TTL: variants seen among roughly 807,000 people sequenced by gnomAD.
The protein encoded by TTL is tubulin--tyrosine ligase.
A neutral mutation model predicts 41.1 loss-of-function variants in TTL; 10 were observed. The observed-to-expected ratio is 0.24, with a 90% CI of 0.15 to 0.41. TTL has a LOEUF of 0.41. Among genes scored for constraint, TTL ranks in the 10% least tolerant of loss-of-function variants. The pLI, the probability that TTL is intolerant of heterozygous loss-of-function variation, is 1.00. For synonymous variants in TTL, 175 were observed against 175.5 expected (o/e 1.00, Z 0.02); for missense variants, 367 against 460.4 (o/e 0.80, Z 1.86).
intron 1 of TTL, among the ~76,000 whole-genome samples, chr2:112,485,584 C>T (rs1681218990): frequency 6.6e-6 from 1 of 152,104 alleles, no homozygotes; most frequent in Non-Finnish European, 1.5e-5. Context: ...TGTGTTAAGC[C>T]AGGAGCGGAA....
Position 112,482,583 on chromosome 2 carries a change from GT to G in TTL, c.157+87del, listed in dbSNP as rs1681121766. 3.5e-6 allele frequency: 5 copies of G among 1,418,686 alleles called. No homozygotes were observed. Among genetic ancestry groups the G allele is most frequent in the Non-Finnish European group, 3.7e-6 (4 of 1,069,368 alleles). The allele number at this position is 1,418,686 out of a possible 1,614,324, so 87.9% of individuals were successfully genotyped here. A position where few individuals can be genotyped will look rare whatever the true frequency, so the allele number is the denominator to read the frequency against. On this transcript the variant is annotated intron_variant, in intron 1 of 6. Transcript: ENST00000233336. The surrounding 1 kb of genome is among the most constrained non-coding windows in gnomAD (Gnocchi z 5.3). ...GCGGCCCGTTAGAACCGGCGCTTTT[GT>G]TTTTAAAGGTCATACATTTTCTCCT...
chr2:112,503,120 A>T lies in TTL; in HGVS notation c.814A>T (p.Thr272Ser). Residue 272 changes from threonine (T) to serine (S), a missense_variant, in exon 5 of 7, where the codon ACA (threonine) becomes TCA (serine). Coordinates refer to ENST00000233336, the MANE Select transcript of TTL (RefSeq NM_153712.5). Reference protein sequence around the residue: ...MFFKEFNQYLTSALNITLESS... With the variant: ...MFFKEFNQYLSSALNITLESS... ...CTTCAAGGAGTTCAATCAGTACCTAACAAGTGCTTTGAACATTACCCTAGA... is the reference window on the plus strand; with the variant it reads ...CTTCAAGGAGTTCAATCAGTACCTATCAAGTGCTTTGAACATTACCCTAGA... 6.2e-7 allele frequency: 1 copy of T among 1,613,212 alleles called. No individual in the cohort carries two copies. The highest frequency in any genetic ancestry group is 8.5e-7 in the Non-Finnish European group (1 of 1,179,908).
At position 112,531,737 on chromosome 2, in the gene TTL, G is replaced by A. The variant is rs182536186; in HGVS notation, c.*2942G>A. 4.0e-5 allele frequency: 9 copies of A among 222,754 alleles called. No homozygotes were observed. The highest frequency in any genetic ancestry group is 1.1e-4 in the African/African-American group (5 of 44,882). 13.8% of individuals were successfully genotyped at this position (222,754 alleles called of 1,614,324 possible). A position where few individuals can be genotyped will look rare whatever the true frequency, so the allele number is the denominator to read the frequency against. Reference sequence around the variant, plus strand: ...CACAAGCATTTCTTTAAGGATGACCGGATGTTGCCGTATGTATTTATGGCA... The same window carrying A: ...CACAAGCATTTCTTTAAGGATGACCAGATGTTGCCGTATGTATTTATGGCA... On this transcript the variant is annotated 3_prime_UTR_variant, in exon 7 of 7. Coordinates refer to ENST00000233336, the MANE Select transcript of TTL (RefSeq NM_153712.5).
intron 3 of TTL, among the ~76,000 whole-genome samples, chr2:112,499,599 A>G (rs1054224755): frequency 1.3e-5 from 2 of 152,222 alleles, no homozygotes; most frequent in Non-Finnish European, 2.9e-5. Flanking sequence ...CAAAAGTGTA[A>G]TCCATAAAAG....
At chr2:112,511,691 A>T (rs996849037) in intron 5 of TTL, among the ~76,000 whole-genome samples, 2 of 150,978 alleles carry the variant, frequency 1.3e-5, no homozygotes, top group African/African-American at 4.9e-5. Flanking sequence ...CAGCCTCCTG[A>T]GCAGCTGGGA....
Position 112,532,990 on chromosome 2 carries a change from C to T in TTL, c.*4195C>T, listed in dbSNP as rs1682541399. 1 of 152,188 alleles carries T rather than the reference C, an allele frequency of 6.6e-6. No homozygotes were observed. The highest frequency in any genetic ancestry group is 2.4e-5 in the African/African-American group (1 of 41,446). 9.4% of individuals were successfully genotyped at this position (152,188 alleles called of 1,614,324 possible). Reference sequence around the variant, plus strand: ...TCACCAAGGCCAGGTTTTTAAATACCTATAAACCTCACACACCTGAGATGC... The same window carrying T: ...TCACCAAGGCCAGGTTTTTAAATACTTATAAACCTCACACACCTGAGATGC... On this transcript the variant is annotated 3_prime_UTR_variant, in exon 7 of 7. Transcript: ENST00000233336.
chr2:112,508,764 C>T (rs1488076970), intron 5 of TTL, among the ~76,000 whole-genome samples: 1 of 4,680 alleles, frequency 2.1e-4, no homozygotes, highest in Admixed American at 1.8e-3. Flanking sequence ...GTTTGAATGT[C>T]CTCCCGTAGC....
At position 112,534,643 on chromosome 2, in the gene TTL, A is replaced by G. The variant is rs535479817; in HGVS notation, c.*5848A>G. On this transcript the variant is annotated 3_prime_UTR_variant, in exon 7 of 7. Coordinates refer to ENST00000233336, the MANE Select transcript of TTL (RefSeq NM_153712.5). ...TGTGAACAACCTTTTCCCTGGGTGC[A>G]TTTGTCAAAAAAAATCAACAGCAAT... 3 of 152,298 alleles carry G rather than the reference A, an allele frequency of 2.0e-5. No individual in the cohort carries two copies. The highest frequency in any genetic ancestry group is 2.9e-5 in the Non-Finnish European group (2 of 68,018). The allele number at this position is 152,298 out of a possible 1,614,324, so 9.4% of individuals were successfully genotyped here.
At chr2:112,518,699 G>A (rs929744873) in intron 5 of TTL, among the ~76,000 whole-genome samples, 1 of 142,718 alleles carries the variant, frequency 7.0e-6, no homozygotes, top group African/African-American at 2.6e-5. Context: ...TTTTGAGACA[G>A]AATTTTGCTC....
intron 3 of TTL, among the ~76,000 whole-genome samples, chr2:112,495,220 G>A (rs2104453024): frequency 6.6e-6 from 1 of 152,222 alleles, no homozygotes; most frequent in South Asian, 2.1e-4. Context: ...TGGCTCCTCA[G>A]GGAAGGCTTT....
rs1358659349 is a variant in TTL, at chr2:112,530,974, A to G, written c.*2179A>G. ...TAAATAAATTTTAAATAAATTTTAAATAAAATTTTACAGAGACGTGGTCTC... is the reference window on the plus strand; with the variant it reads ...TAAATAAATTTTAAATAAATTTTAAGTAAAATTTTACAGAGACGTGGTCTC... On this transcript the variant is annotated 3_prime_UTR_variant, in exon 7 of 7. Transcript: ENST00000233336. 3 of 180,412 alleles carry G rather than the reference A, an allele frequency of 1.7e-5. No homozygotes were observed. Among genetic ancestry groups the G allele is most frequent in the South Asian group, 3.9e-4 (2 of 5,092 alleles). 11.2% of individuals were successfully genotyped at this position (180,412 alleles called of 1,614,324 possible).
chr2:112,499,988 A>G (rs535095462), intron 3 of TTL, among the ~76,000 whole-genome samples: 29 of 152,380 alleles, frequency 1.9e-4, no homozygotes, highest in Non-Finnish European at 3.7e-4. Context: ...GCAAACGTCC[A>G]TCAATTGATG....
rs1682491005 is a variant in TTL, at chr2:112,530,913, A to T, written c.*2118A>T. Reference sequence around the variant, plus strand: ...TTTCCTTTTTAAAAAATATTTTTTAAATTTTTAAAATTTGATTTTAAATTT... The same window carrying T: ...TTTCCTTTTTAAAAAATATTTTTTATATTTTTAAAATTTGATTTTAAATTT... On this transcript the variant is annotated 3_prime_UTR_variant, in exon 7 of 7. Coordinates refer to ENST00000233336, the MANE Select transcript of TTL (RefSeq NM_153712.5). The T allele has an allele frequency of 5.6e-6, 1 of 177,636 alleles. No homozygotes were observed. The highest frequency in any genetic ancestry group is 1.2e-5 in the Non-Finnish European group (1 of 83,024). The allele number at this position is 177,636 out of a possible 1,614,324, so 11.0% of individuals were successfully genotyped here. A position where few individuals can be genotyped will look rare whatever the true frequency, so the allele number is the denominator to read the frequency against.
At chr2:112,496,002 G>A (rs900157556) in intron 3 of TTL, among the ~76,000 whole-genome samples, 1 of 152,250 alleles carries the variant, frequency 6.6e-6, no homozygotes, top group East Asian at 1.9e-4. Flanking sequence ...CTGAAAGGGG[G>A]AGAGTTGGAC....
chr2:112,530,701 T>A lies in TTL; in HGVS notation c.*1906T>A, dbSNP rs1365404418. ...TTTTGGACCCAAATTATAGAGACAT[T>A]CACGAGTTTTCTAGCCCTCACAGTA... On this transcript the variant is annotated 3_prime_UTR_variant, in exon 7 of 7. Transcript: ENST00000233336. 9.5e-6 allele frequency: 2 copies of A among 211,258 alleles called. No individual in the cohort carries two copies. Among genetic ancestry groups the A allele is most frequent in the African/African-American group, 4.5e-5 (2 of 44,134 alleles). 13.1% of individuals were successfully genotyped at this position (211,258 alleles called of 1,614,324 possible).
chr2:112,535,340 T>C lies in TTL; in HGVS notation c.*6545T>C, dbSNP rs1482471958. The C allele has an allele frequency of 6.6e-6, 1 of 151,444 alleles. No homozygotes were observed. Among genetic ancestry groups the C allele is most frequent in the Non-Finnish European group, 1.5e-5 (1 of 67,924 alleles). The allele number at this position is 151,444 out of a possible 1,614,324, so 9.4% of individuals were successfully genotyped here. On this transcript the variant is annotated 3_prime_UTR_variant, in exon 7 of 7. Transcript: ENST00000233336. ...ATCAAACATACCAACATACACATAA[T>C]AGGAGTCCTAGAATAGATAAGTGAG...
intron 6 of TTL, among the ~76,000 whole-genome samples, chr2:112,526,652 AT>A (rs1250248400): frequency 6.6e-6 from 1 of 151,942 alleles, no homozygotes; most frequent in Non-Finnish European, 1.5e-5. Flanking sequence ...ATCATTTTTT[AT>A]TGCGTCTATT....
At chr2:112,526,063 G>T (rs1193858676) in intron 6 of TTL, among the ~76,000 whole-genome samples, 3 of 152,144 alleles carry the variant, frequency 2.0e-5, no homozygotes, top group Non-Finnish European at 4.4e-5. Context: ...TTTGTCTTTG[G>T]TTCTGTTTAT....
At chr2:112,501,476 G>A in intron 4 of TTL, 135 bp downstream of exon 4, 1 of 675,738 alleles carries the variant, frequency 1.5e-6, no homozygotes, top group Non-Finnish European at 2.3e-6. Context: ...GAGCACAGCT[G>A]AATGGAACTT....
Sources: gnomAD v4.1 joint callset for allele counts (sites outside exome capture counted in the v4.1 genomes callset) on GRCh38, gnomAD v4.1.1 for gene constraint, Gnocchi (gnomAD v3.1) non-coding constraint, MANE v1.5 for transcripts, NCBI Gene and HGNC (gene_info 2026-07-23, HGNC 2026-07-21) for gene names.